Variants in PSMD5 observed in about 807,000 individuals in gnomAD.
The protein encoded by PSMD5 is 26S proteasome non-ATPase regulatory subunit 5.
In PSMD5, 40 loss-of-function variants were observed where a neutral mutation model predicts 52.1. The ratio of observed to expected loss-of-function variants is 0.77; its 90% CI spans 0.60 to 1.00. The LOEUF is 1.00. PSMD5 is among the 50% of genes least tolerant of loss of function. PSMD5 has a pLI of 0.00. For synonymous variants in PSMD5, 211 were observed against 226.6 expected (o/e 0.93, Z 0.62); for missense variants, 575 against 605.2 (o/e 0.95, Z 0.52).
intron 1 of PSMD5, chr9:120,842,485 A>C (rs113793562): frequency 1.3e-5 from 7 of 551,160 alleles, no homozygotes; most frequent in Admixed American, 3.5e-5. Context: ...CTATTTGATG[A>C]AGAAGGCAGT....
chr9:120,842,727 G>A lies in PSMD5; in HGVS notation c.173+10C>T. The A allele has an allele frequency of 6.2e-7, 1 of 1,613,100 alleles. No homozygotes were observed. The highest frequency in any genetic ancestry group is 8.5e-7 in the Non-Finnish European group (1 of 1,179,978). ...CCTCTCCTCGGCTCAAGCCCCCGGGGTCCTCTCACCTATGGTTCTCGTTAA... is the reference window on the plus strand; with the variant it reads ...CCTCTCCTCGGCTCAAGCCCCCGGGATCCTCTCACCTATGGTTCTCGTTAA... On this transcript the variant is annotated intron_variant, in intron 1 of 9. Transcript: ENST00000210313.
chr9:120,831,844 A>G lies in PSMD5; in HGVS notation c.420T>C (p.Ser140=). The G allele has an allele frequency of 6.2e-7, 1 of 1,612,656 alleles. No individual in the cohort carries two copies. The highest frequency in any genetic ancestry group is 8.5e-7 in the Non-Finnish European group (1 of 1,179,592). ...CTAGTAGACTCACCGCTTTTGCTAC[A>G]GATAGATTCTCTCCACCAATGCAAT... is the stretch of plus-strand genomic sequence containing the variant. The part of the protein sequence containing the change: ...IVYCIGGENL[S]VAKAAIKSLS... Residue 140 remains serine (S), a synonymous_variant, in exon 3 of 10, where the codon TCT becomes TCC. Coordinates refer to ENST00000210313, the MANE Select transcript of PSMD5 (RefSeq NM_005047.4).
At chr9:120,820,810 CA>C (rs1226409169) in intron 9 of PSMD5, 28 bp downstream of exon 9, 18 of 1,531,834 alleles carry the variant, frequency 1.2e-5, no homozygotes, top group Non-Finnish European at 1.6e-5. Flanking sequence ...GGCAGGGTCC[CA>C]GAAGGACCTA....
chr9:120,823,268 G>A (rs2131422479), intron 7 of PSMD5, among the ~76,000 whole-genome samples: 1 of 150,018 alleles, frequency 6.7e-6, no homozygotes, highest in East Asian at 2.0e-4. Flanking sequence ...GAGTGCAGTG[G>A]TGTGATCTCG....
At chr9:120,825,745 G>A (rs548332607) in intron 6 of PSMD5, among the ~76,000 whole-genome samples, 8 of 151,980 alleles carry the variant, frequency 5.3e-5, no homozygotes, top group Middle Eastern at 3.4e-3. Flanking sequence ...GAAATGCTAC[G>A]GATTTTTATG....
intron 7 of PSMD5, 47 bp from the exon 8 acceptor site, chr9:120,821,511 C>T (rs1385409637): frequency 1.9e-5 from 25 of 1,321,828 alleles, no homozygotes; most frequent in Non-Finnish European, 2.6e-5. Context: ...GTAAAATATA[C>T]ACAACATAAA....
chr9:120,827,670 C>A lies in PSMD5; in HGVS notation c.672-763G>T, dbSNP rs72758124. On this transcript the variant is annotated intron_variant, in intron 5 of 9. Coordinates refer to ENST00000210313, the MANE Select transcript of PSMD5 (RefSeq NM_005047.4). ...TGCACTGAAGCAATGTAACTAGTGA[C>A]TGATTTACTCATATGGGTTTAATAA... 3.9e-3 allele frequency among the ~76,000 whole-genome samples: 593 copies of A among 152,288 alleles called. 3 individuals are homozygous for A. Among genetic ancestry groups the A allele is most frequent in the Admixed American group, 7.6e-3 (116 of 15,298 alleles).
chr9:120,824,175 T>C, intron 7 of PSMD5: 2 of 277,664 alleles, frequency 7.2e-6, no homozygotes, highest in Non-Finnish European at 1.4e-5. Context: ...TTTCTGACTC[T>C]AGCCCGTGGT....
At chr9:120,833,178 A>T in intron 2 of PSMD5, 134 bp downstream of exon 2, 1 of 1,015,152 alleles carries the variant, frequency 9.9e-7, no homozygotes, top group Non-Finnish European at 1.5e-6. Flanking sequence ...AGGGGGAAAG[A>T]GGGAGCAGAG....
chr9:120,818,623 G>A (rs1312259805), intron 9 of PSMD5, among the ~76,000 whole-genome samples: 2 of 151,856 alleles, frequency 1.3e-5, no homozygotes, highest in Non-Finnish European at 2.9e-5. Flanking sequence ...TGTTCATTGT[G>A]GTATCATTTG....
chr9:120,825,924 AT>A lies in PSMD5; in HGVS notation c.814+840del, dbSNP rs544189744. ...GCCTTTTATTTATTTATCTTGCCTA[AT>A]TGCTCTGGCTATAACTTCTTGTACT... On this transcript the variant is annotated intron_variant, in intron 6 of 9. Transcript: ENST00000210313. 8.0e-5 allele frequency among the ~76,000 whole-genome samples: 12 copies of A among 150,266 alleles called. No homozygotes were observed. In the South Asian group the frequency reaches 2.5e-3, roughly 31 times the overall value.
rs1564472660 is a variant in PSMD5 at position 120,817,028 on chromosome 9, G to C, written c.*878C>G. 1 of 151,814 alleles carries C rather than the reference G, an allele frequency of 6.6e-6. No individual in the cohort carries two copies. The highest frequency in any genetic ancestry group is 1.5e-5 in the Non-Finnish European group (1 of 67,952). 9.4% of individuals were successfully genotyped at this position (151,814 alleles called of 1,614,324 possible). ...TGGTAAACAGCAAAAAAAATTACAT[G>C]AACACTATAAACATTTTTTAGATAT... is the stretch of plus-strand genomic sequence containing the variant. On this transcript the variant is annotated 3_prime_UTR_variant, in exon 10 of 10. Coordinates refer to ENST00000210313, the MANE Select transcript of PSMD5 (RefSeq NM_005047.4).
intron 1 of PSMD5, among the ~76,000 whole-genome samples, chr9:120,834,894 A>G (rs1298622450): frequency 6.6e-6 from 1 of 152,238 alleles, no homozygotes; most frequent in East Asian, 1.9e-4. Context: ...GGGAAGAACT[A>G]TGTAAGAGAA....
chr9:120,822,501 C>T (rs994581959), intron 7 of PSMD5, among the ~76,000 whole-genome samples: 4 of 152,110 alleles, frequency 2.6e-5, no homozygotes, highest in African/African-American at 7.2e-5. Context: ...AAAATATTAG[C>T]TGTGATACAC....
chr9:120,816,765 AAAAG>A lies in PSMD5; in HGVS notation c.*1137_*1140del, dbSNP rs1386873126. The A allele has an allele frequency of 2.6e-5, 4 of 152,336 alleles. No individual in the cohort carries two copies. The highest frequency in any genetic ancestry group is 9.6e-5 in the African/African-American group (4 of 41,576). 9.4% of individuals were successfully genotyped at this position (152,336 alleles called of 1,614,324 possible). On this transcript the variant is annotated 3_prime_UTR_variant, in exon 10 of 10. Transcript: ENST00000210313. ...CAGGTGGGTGTAGGTGTTGTCAATG[AAAAG>A]AAAGATTATCCTTTGTAAATTAATG...
At chr9:120,826,459 C>T (rs1010462130) in intron 6 of PSMD5, 10 of 240,954 alleles carry the variant, frequency 4.2e-5, no homozygotes, top group East Asian at 3.2e-4. Context: ...ATGCTTTTCC[C>T]GCATTACTTG....
chr9:120,831,988 A>C, intron 2 of PSMD5, 43 bp from the exon 3 acceptor site: 1 of 1,596,488 alleles, frequency 6.3e-7, no homozygotes, highest in Middle Eastern at 1.7e-4. Flanking sequence ...AAGTAGGGCA[A>C]CATACGGTAA....
At chr9:120,825,890 G>A (rs936674832) in intron 6 of PSMD5, among the ~76,000 whole-genome samples, 1 of 151,646 alleles carries the variant, frequency 6.6e-6, no homozygotes, top group Non-Finnish European at 1.5e-5. Flanking sequence ...CTTTCTTTCC[G>A]ATTTGGATGC....
intron 1 of PSMD5, among the ~76,000 whole-genome samples, chr9:120,834,120 C>G (rs902091222): frequency 6.6e-6 from 1 of 151,902 alleles, no homozygotes; most frequent in Non-Finnish European, 1.5e-5. Context: ...GCTGGGACTA[C>G]AGGTGCATGC....
Sources: gnomAD v4.1 joint callset for allele counts (sites outside exome capture counted in the v4.1 genomes callset) on GRCh38, gnomAD v4.1.1 for gene constraint, MANE v1.5 for transcripts, NCBI Gene and HGNC (gene_info 2026-07-23, HGNC 2026-07-21) for gene names.